The following ANKRD33B variants were observed in gnomAD, a reference collection of about 807,000 sequenced individuals.
ANKRD33B encodes the protein ankyrin repeat domain-containing protein 33B.
Under a neutral mutation model 21.5 loss-of-function variants are expected in ANKRD33B, and 6 were observed. That is an observed-to-expected ratio of 0.28 (90% CI 0.15 to 0.55). ANKRD33B has a LOEUF of 0.55. ANKRD33B is among the 20% of genes least tolerant of loss of function. The pLI is 0.94. For synonymous variants in ANKRD33B, 347 were observed against 342.4 expected, an observed-to-expected ratio of 1.01 and a Z score of -0.15; for missense variants, 698 against 747.2, an observed-to-expected ratio of 0.93 and a Z score of 0.77.
In ANKRD33B at chr5:10,650,135, G is replaced by T. The variant is rs983618452; in HGVS notation, c.*22G>T. On this transcript the variant is annotated 3_prime_UTR_variant, in exon 4 of 4. Transcript: ENST00000296657. ...GTGAGGGCCCGTGTGCCTGGCGCTG[G>T]GGCCGGGGCTGGGGCCGGGGCGGGG... 6.9e-6 allele frequency: 10 copies of T among 1,454,148 alleles called. No individual in the cohort carries two copies. The African/African-American group carries it at 1.2e-4, about 18-fold the overall frequency. 90.1% of individuals were successfully genotyped at this position (1,454,148 alleles called of 1,614,324 possible).
intron 2 of ANKRD33B, among the ~76,000 whole-genome samples, chr5:10,626,890 G>T (rs1443547586): frequency 6.6e-6 from 1 of 152,206 alleles, no homozygotes; most frequent in Non-Finnish European, 1.5e-5. Flanking sequence ...GCACTAAGCA[G>T]AATCAGCATT....
rs148927016 is a variant in ANKRD33B, at chr5:10,566,909, G to T, written c.366+2076G>T. ...TGGCCCCAGGCTTGTGTTTACCATC[G>T]TGTTTCTCATTCGTCTGCCTTCTCT... is the stretch of plus-strand genomic sequence containing the variant. On this transcript the variant is annotated intron_variant, in intron 1 of 3. Transcript: ENST00000296657. Among the ~76,000 whole-genome samples the T allele has an allele frequency of 4.8e-3, 729 of 152,352 alleles. 3 individuals are homozygous for T. The highest frequency in any genetic ancestry group is 0.017 in the African/African-American group (689 of 41,584).
intron 1 of ANKRD33B, among the ~76,000 whole-genome samples, chr5:10,612,005 T>G (rs887797859): frequency 6.6e-5 from 10 of 152,208 alleles, no homozygotes; most frequent in African/African-American, 2.4e-4. Flanking sequence ...CTCATGCTCT[T>G]TCATTCTGTT....
chr5:10,606,730 CTTTTT>C (rs770615117), intron 1 of ANKRD33B, among the ~76,000 whole-genome samples: 1 of 136,266 alleles, frequency 7.3e-6, no homozygotes. Context: ...AAGACTCTGT[CTTTTT>C]TTTTTTTTTT....
At chr5:10,646,201 T>C (rs1737185408) in intron 3 of ANKRD33B, among the ~76,000 whole-genome samples, 1 of 152,158 alleles carries the variant, frequency 6.6e-6, no homozygotes, top group South Asian at 2.1e-4. Flanking sequence ...AGCTCCACTT[T>C]TGTCCACATG....
chr5:10,634,445 G>A (rs1736805938), intron 2 of ANKRD33B, among the ~76,000 whole-genome samples: 1 of 150,466 alleles, frequency 6.6e-6, no homozygotes. Flanking sequence ...AGTTGGACTG[G>A]GCTCAAACTA....
At position 10,649,644 on chromosome 5, in the gene ANKRD33B, G is replaced by T; in HGVS notation, c.1016G>T (p.Arg339Leu). ...PESPPSVGKR[R>L]LAVQEILAAR... ...AGCCCTCCGAGCGTGGGGAAGAGGC[G>T]GCTGGCGGTGCAGGAGATCCTGGCG... Residue 339 changes from arginine (R) to leucine (L), a missense_variant, in exon 4 of 4, where the codon CGG (arginine) becomes CTG (leucine). Arg to Leu is a moderately radical substitution (Grantham distance 102). This residue lies in a region of ANKRD33B where 543 missense variants were observed against 566.5 expected (regional missense o/e 0.96). Transcript: ENST00000296657. The T allele has an allele frequency of 2.0e-6, 3 of 1,530,968 alleles. No homozygotes were observed. Among genetic ancestry groups the T allele is most frequent in the Non-Finnish European group, 2.6e-6 (3 of 1,144,758 alleles). The allele number at this position is 1,530,968 out of a possible 1,614,324, so 94.8% of individuals were successfully genotyped here. A position where few individuals can be genotyped will look rare whatever the true frequency, so the allele number is the denominator to read the frequency against.
intron 1 of ANKRD33B, among the ~76,000 whole-genome samples, chr5:10,578,668 G>A (rs1735375025): frequency 6.6e-6 from 1 of 152,200 alleles, no homozygotes; most frequent in African/African-American, 2.4e-5. Flanking sequence ...AGATATGCTA[G>A]AGAAGCTACG....
In ANKRD33B at chr5:10,651,657, A is replaced by G. The variant is rs1354986405; in HGVS notation, c.*1544A>G. Reference sequence around the variant, plus strand: ...CTTGGACACGCACGATCACAGGCCTATTTGGAGGCTCTGTACTATGACCCT... The same window carrying G: ...CTTGGACACGCACGATCACAGGCCTGTTTGGAGGCTCTGTACTATGACCCT... On this transcript the variant is annotated 3_prime_UTR_variant, in exon 4 of 4. Coordinates refer to ENST00000296657, the MANE Select transcript of ANKRD33B (RefSeq NM_001164440.2). 1 of 152,280 alleles carries G rather than the reference A, an allele frequency of 6.6e-6. No individual in the cohort carries two copies. Among genetic ancestry groups the G allele is most frequent in the Non-Finnish European group, 1.5e-5 (1 of 68,038 alleles). 9.4% of individuals were successfully genotyped at this position (152,280 alleles called of 1,614,324 possible). A position where few individuals can be genotyped will look rare whatever the true frequency, so the allele number is the denominator to read the frequency against.
At chr5:10,596,974 A>T (rs1408150234) in intron 1 of ANKRD33B, among the ~76,000 whole-genome samples, 1 of 152,168 alleles carries the variant, frequency 6.6e-6, no homozygotes, top group Non-Finnish European at 1.5e-5. Flanking sequence ...GAGAAATAAG[A>T]TCCTTTTCAG....
chr5:10,628,869 A>G (rs564234180), intron 2 of ANKRD33B, among the ~76,000 whole-genome samples: 3 of 152,076 alleles, frequency 2.0e-5, no homozygotes, highest in Non-Finnish European at 4.4e-5. Context: ...CTGGAGTTGG[A>G]AGGGATGGCT....
chr5:10,639,516 C>G (rs1384713612), intron 3 of ANKRD33B, among the ~76,000 whole-genome samples: 1 of 5,166 alleles, frequency 1.9e-4, no homozygotes, highest in Non-Finnish European at 3.2e-4. Flanking sequence ...GGTGACGCGG[C>G]GTTGCGCGGC....
rs1443892203 is a variant in ANKRD33B at position 10,649,808 on chromosome 5, CG to C, written c.1184del (p.Gly395AlafsTer181). 10 of 1,388,114 alleles carry C rather than the reference CG, an allele frequency of 7.2e-6. No homozygotes were observed. The highest frequency in any genetic ancestry group is 6.7e-5 in the Admixed American group (2 of 29,922). 86.0% of individuals were successfully genotyped at this position (1,388,114 alleles called of 1,614,324 possible). A position where few individuals can be genotyped will look rare whatever the true frequency, so the allele number is the denominator to read the frequency against. ...CGGCCTCCCTCCCGCCCTGGGGTCC[CG>C]GGGCCCCGCAGCGCCCGCCCCGCGG... ...RAGLPPALGS[R>X]GPAAPAPRKA... On this transcript the variant is annotated frameshift_variant, in exon 4 of 4. Coordinates refer to ENST00000296657, the MANE Select transcript of ANKRD33B (RefSeq NM_001164440.2). LOFTEE classifies it high-confidence loss of function.
In ANKRD33B at chr5:10,650,814, G is replaced by T. The variant is rs1448063788; in HGVS notation, c.*701G>T. 6.6e-6 allele frequency: 1 copy of T among 152,282 alleles called. No homozygotes were observed. The highest frequency in any genetic ancestry group is 6.5e-5 in the Admixed American group (1 of 15,278). The allele number at this position is 152,282 out of a possible 1,614,324, so 9.4% of individuals were successfully genotyped here. On this transcript the variant is annotated 3_prime_UTR_variant, in exon 4 of 4. Transcript: ENST00000296657. ...GTAATATATTGAGGAAAAACATATT[G>T]TCAAATTATAAAACAATGGAGCGAT... is the stretch of plus-strand genomic sequence containing the variant.
chr5:10,605,623 G>A (rs1045497583), intron 1 of ANKRD33B, among the ~76,000 whole-genome samples: 1 of 151,994 alleles, frequency 6.6e-6, no homozygotes, highest in Non-Finnish European at 1.5e-5. Flanking sequence ...CCGCCTCCCG[G>A]GTTCAAGTGA....
intron 1 of ANKRD33B, among the ~76,000 whole-genome samples, chr5:10,612,653 C>T (rs1356747973): frequency 2.0e-5 from 3 of 152,260 alleles, no homozygotes; most frequent in African/African-American, 7.2e-5. Context: ...ATCCATCTCT[C>T]TTGCGCCGTT....
intron 1 of ANKRD33B, among the ~76,000 whole-genome samples, chr5:10,604,633 C>T (rs1239413216): frequency 1.3e-5 from 2 of 151,670 alleles, no homozygotes; most frequent in Admixed American, 1.3e-4. Flanking sequence ...TATCTAATCT[C>T]GCTGCACCTA....
intron 3 of ANKRD33B, among the ~76,000 whole-genome samples, chr5:10,643,819 CAAAAAAA>C (rs374365829): frequency 4.5e-5 from 4 of 89,610 alleles, no homozygotes; most frequent in Non-Finnish European, 4.3e-5. Flanking sequence ...GACTCTGTCT[CAAAAAAA>C]AAAAAAAAAA....
At chr5:10,598,775 A>C (rs1735870446) in intron 1 of ANKRD33B, among the ~76,000 whole-genome samples, 1 of 152,076 alleles carries the variant, frequency 6.6e-6, no homozygotes, top group Non-Finnish European at 1.5e-5. Flanking sequence ...TTGGTTAGCC[A>C]GGCATGGTGG....
Sources: allele counts gnomAD v4.1 joint callset (sites outside exome capture counted in the v4.1 genomes callset), GRCh38; gene constraint gnomAD v4.1.1; regional missense constraint gnomAD v4.1.1; transcripts MANE v1.5; gene names NCBI Gene and HGNC (gene_info 2026-07-23, HGNC 2026-07-21).